HIVEP3: variants seen among roughly 807,000 people sequenced by gnomAD.
The protein encoded by HIVEP3 is transcription factor HIVEP3.
In HIVEP3, 49 loss-of-function variants were observed where a neutral mutation model predicts 152.8. The observed-to-expected ratio is 0.32, with a 90% CI of 0.26 to 0.41. The LOEUF is 0.41. HIVEP3 is among the 10% of genes least tolerant of loss of function. The pLI, the probability that HIVEP3 is intolerant of heterozygous loss-of-function variation, is 1.00. For synonymous variants in HIVEP3, 1,269 were observed against 1,289.0 expected (o/e 0.98, Z 0.33); for missense variants, 2,790 against 3,103.3 (o/e 0.90, Z 2.40).
intron 1 of HIVEP3, among the ~76,000 whole-genome samples, chr1:41,722,540 C>T (rs1346657636): frequency 7.0e-6 from 1 of 143,806 alleles, no homozygotes; most frequent in Admixed American, 6.9e-5. Context: ...CTCCCTCCCT[C>T]CCTCCCTCCT....
rs545912091 is a variant in HIVEP3, at chr1:41,526,847, ACT to A, written c.5208-1939_5208-1938del. On this transcript the variant is annotated intron_variant, in intron 5 of 8. Transcript: ENST00000372583. ...CACACTCCCTCACACCCGTTCACAC[ACT>A]CACCCTAACACGCTCACACACAGCC... 1.3e-4 allele frequency among the ~76,000 whole-genome samples: 13 copies of A among 98,020 alleles called. No homozygotes were observed. In the East Asian group the frequency reaches 2.9e-3, roughly 22 times the overall value. The allele number at this position is 98,020 out of a possible 152,430, so 64.3% of individuals were successfully genotyped here. A position where few individuals can be genotyped will look rare whatever the true frequency, so the allele number is the denominator to read the frequency against.
At chr1:41,800,925 ACTCC>A (rs1287518490) in intron 1 of HIVEP3, among the ~76,000 whole-genome samples, 1 of 151,752 alleles carries the variant, frequency 6.6e-6, no homozygotes, top group African/African-American at 2.4e-5. Context: ...GCCTACCTAA[ACTCC>A]CTCCCTCCCT....
chr1:41,518,542 G>T (rs1642673303), intron 6 of HIVEP3, 54 bp from the exon 7 acceptor site: 2 of 1,511,148 alleles, frequency 1.3e-6, no homozygotes, highest in Admixed American at 3.3e-5. Flanking sequence ...GGCCAGGGCG[G>T]ACCCAGGGCT....
At chr1:41,765,731 C>G (rs1427679123) in intron 1 of HIVEP3, among the ~76,000 whole-genome samples, 3 of 152,222 alleles carry the variant, frequency 2.0e-5, no homozygotes, top group Non-Finnish European at 4.4e-5. Flanking sequence ...TGGTACAACA[C>G]TTGGCATACA....
intron 5 of HIVEP3, among the ~76,000 whole-genome samples, chr1:41,554,987 A>G (rs1327802650): frequency 6.6e-6 from 1 of 152,152 alleles, no homozygotes; most frequent in Non-Finnish European, 1.5e-5. Context: ...CTGTTCTCGG[A>G]GCTCAAACAC....
chr1:41,959,370 G>GAC (rs1452380835), intron 1 of HIVEP3, among the ~76,000 whole-genome samples: 2 of 152,120 alleles, frequency 1.3e-5, no homozygotes, highest in Non-Finnish European at 2.9e-5. Flanking sequence ...ACTATCCAAG[G>GAC]ACTCCAACTG....
chr1:41,524,666 G>A lies in HIVEP3; in HGVS notation c.5383+69C>T, dbSNP rs952078503. The A allele has an allele frequency of 5.5e-6, 8 of 1,441,996 alleles. No individual in the cohort carries two copies. The African/African-American group carries it at 9.8e-5, about 18-fold the overall frequency. 89.3% of individuals were successfully genotyped at this position (1,441,996 alleles called of 1,614,324 possible). A position where few individuals can be genotyped will look rare whatever the true frequency, so the allele number is the denominator to read the frequency against. The stretch of plus-strand genomic sequence containing the variant: ...AAAGAGGTCTGGGCACCTGAACTCT[G>A]TGCTGGGACTCCCAGAGGGGAGCTC... On this transcript the variant is annotated intron_variant, in intron 6 of 8. Coordinates refer to ENST00000372583, the MANE Select transcript of HIVEP3 (RefSeq NM_024503.5).
At chr1:41,748,521 T>A (rs1386754800) in intron 1 of HIVEP3, among the ~76,000 whole-genome samples, 1 of 152,198 alleles carries the variant, frequency 6.6e-6, no homozygotes, top group Non-Finnish European at 1.5e-5. Flanking sequence ...TAGAGTAACA[T>A]CATCATGACT....
rs1158201981 is a variant in HIVEP3 at position 41,583,262 on chromosome 1, G to A, written c.1536C>T (p.His512=). ...ATTGTTCAGGCTTGGTTTTCTCACT[G>A]TGGGATGACAGGGGCTCCCGGTAGA... ...SSLYREPLSS[H]SEKTKPEQSL... The change falls in exon 4 of 9, where the codon CAC becomes CAT. Residue 512 remains histidine, a synonymous_variant. Coordinates refer to ENST00000372583, the MANE Select transcript of HIVEP3 (RefSeq NM_024503.5). The surrounding 1 kb of genome is among the most constrained non-coding windows in gnomAD (Gnocchi z 6.9). 6.2e-7 allele frequency: 1 copy of A among 1,613,434 alleles called. No homozygotes were observed. Among genetic ancestry groups the A allele is most frequent in the Non-Finnish European group, 8.5e-7 (1 of 1,179,828 alleles).
intron 1 of HIVEP3, among the ~76,000 whole-genome samples, chr1:41,934,832 T>C (rs2124482168): frequency 6.6e-6 from 1 of 152,166 alleles, no homozygotes; most frequent in East Asian, 1.9e-4. Flanking sequence ...AACTGTCTTG[T>C]TGAAAGCATC....
chr1:41,749,413 T>TGTGTGTGC (rs1426465642), intron 1 of HIVEP3, among the ~76,000 whole-genome samples: 3 of 151,532 alleles, frequency 2.0e-5, no homozygotes, highest in Admixed American at 6.6e-5. Flanking sequence ...ATTGTGTGTG[T>TGTGTGTGC]GTGTGTGTGT....
intron 1 of HIVEP3, among the ~76,000 whole-genome samples, chr1:42,029,004 C>T (rs1321418104): frequency 1.3e-5 from 2 of 152,136 alleles, no homozygotes; most frequent in African/African-American, 4.8e-5. Flanking sequence ...GTGAAATCTC[C>T]CACTTGTTAA....
chr1:42,020,942 G>T (rs1301913736), intron 1 of HIVEP3, among the ~76,000 whole-genome samples: 4 of 152,188 alleles, frequency 2.6e-5, no homozygotes, highest in Non-Finnish European at 5.9e-5. Flanking sequence ...GTTGTAGGAA[G>T]AATGAAGAAG....
chr1:41,720,272 G>A (rs1046825431), intron 1 of HIVEP3, among the ~76,000 whole-genome samples: 1 of 152,172 alleles, frequency 6.6e-6, no homozygotes, highest in Non-Finnish European at 1.5e-5. Context: ...GCCCCAGACT[G>A]CAACTCTTGA....
chr1:41,844,304 A>G (rs1643374224), intron 1 of HIVEP3, among the ~76,000 whole-genome samples: 1 of 152,270 alleles, frequency 6.6e-6, no homozygotes, highest in South Asian at 2.1e-4. Context: ...GTGCTGCTGC[A>G]TCTCCTCTGT....
intron 2 of HIVEP3, among the ~76,000 whole-genome samples, chr1:41,646,681 C>T (rs963160241): frequency 6.6e-6 from 1 of 152,210 alleles, no homozygotes; most frequent in African/African-American, 2.4e-5. Context: ...TCCTCTGCCT[C>T]CAGGGCACTC....
At chr1:41,718,534 A>T (rs1646628889) in intron 1 of HIVEP3, among the ~76,000 whole-genome samples, 1 of 152,182 alleles carries the variant, frequency 6.6e-6, no homozygotes, top group African/African-American at 2.4e-5. Flanking sequence ...TAGATGACAG[A>T]GATTGAACCC....
intron 1 of HIVEP3, among the ~76,000 whole-genome samples, chr1:41,732,224 G>A (rs1003807006): frequency 3.9e-5 from 6 of 152,248 alleles, no homozygotes; most frequent in South Asian, 2.1e-4. Flanking sequence ...CAGCAGAGGC[G>A]GGTTCTCCAG....
intron 5 of HIVEP3, among the ~76,000 whole-genome samples, chr1:41,565,374 C>G (rs983885776): frequency 2.0e-5 from 3 of 148,188 alleles, no homozygotes; most frequent in Non-Finnish European, 3.0e-5. Flanking sequence ...AAAGGTACTG[C>G]TTCTGGGAGT....
Sources: gnomAD v4.1 joint callset for allele counts (sites outside exome capture counted in the v4.1 genomes callset) on GRCh38, gnomAD v4.1.1 for gene constraint, Gnocchi (gnomAD v3.1) non-coding constraint, MANE v1.5 for transcripts, NCBI Gene and HGNC (gene_info 2026-07-23, HGNC 2026-07-21) for gene names.